Variants in SLC66A1 observed in about 807,000 individuals in gnomAD.
SLC66A1 encodes the protein lysosomal amino acid transporter 1 homolog.
Under a neutral mutation model 33.0 loss-of-function variants are expected in SLC66A1, and 23 were observed. The observed-to-expected ratio is 0.70, with a 90% CI of 0.50 to 0.99. The LOEUF is 0.99. Ranked by LOEUF, SLC66A1 falls within the 50% of genes least tolerant of loss-of-function variation. The pLI, the probability that SLC66A1 is intolerant of heterozygous loss-of-function variation, is 0.00. For missense variants in SLC66A1, 335 were observed against 383.6 expected, an observed-to-expected ratio of 0.87 and a Z score of 1.06; for synonymous variants, 164 against 175.5, an observed-to-expected ratio of 0.93 and a Z score of 0.52.
At chr1:19,325,439 C>T (rs2093858783) in intron 3 of SLC66A1, 56 bp from the exon 4 acceptor site, 14 of 1,255,970 alleles carry the variant, frequency 1.1e-5, no homozygotes, top group South Asian at 6.1e-5. Flanking sequence ...GCTGCCGGGG[C>T]GTGGTCTCAG....
At position 19,326,317 on chromosome 1, in the gene SLC66A1, C is replaced by G. The variant is rs749880889; in HGVS notation, c.455C>G (p.Ala152Gly). Residue 152 changes from alanine (A) to glycine (G), a missense_variant, in exon 5 of 8, where the codon GCT (alanine) becomes GGT (glycine). Physicochemically the swap from Ala to Gly is moderately conservative, Grantham distance 60 (BLOSUM62 0). Coordinates refer to ENST00000375153, the MANE Select transcript of SLC66A1 (RefSeq NM_001040125.2). Reference protein sequence around the residue: ...MACATPLLSAAGPVAAPREAF... With the variant: ...MACATPLLSAGGPVAAPREAF... Reference sequence around the variant, plus strand: ...TGCGCCACACCGCTGCTGAGTGCTGCTGGGCCCGTGGCTGCCCCTAGGGAA... The same window carrying G: ...TGCGCCACACCGCTGCTGAGTGCTGGTGGGCCCGTGGCTGCCCCTAGGGAA... 8.1e-6 allele frequency: 13 copies of G among 1,607,020 alleles called. No homozygotes were observed. In the Admixed American group the frequency reaches 1.2e-4, roughly 14 times the overall value.
At chr1:19,327,152 G>A in intron 6 of SLC66A1, 75 bp from the exon 7 acceptor site, 2 of 1,395,246 alleles carry the variant, frequency 1.4e-6, no homozygotes, top group South Asian at 1.3e-5. Flanking sequence ...GGGGCAGGTG[G>A]ACATGTGGAC....
chr1:19,327,523 C>A, intron 7 of SLC66A1, 111 bp downstream of exon 7: 2 of 1,253,274 alleles, frequency 1.6e-6, no homozygotes, highest in Non-Finnish European at 2.2e-6. Flanking sequence ...ATCCGTCCAT[C>A]CATCCATCCC....
At chr1:19,326,669 G>A (rs761677448) in intron 6 of SLC66A1, 46 bp downstream of exon 6, 1 of 1,589,206 alleles carries the variant, frequency 6.3e-7, no homozygotes, top group Admixed American at 1.7e-5. Flanking sequence ...GAGGAGAGCT[G>A]GCCTGGCCAC....
downstream of SLC66A1, among the ~76,000 whole-genome samples, chr1:19,333,591 G>A (rs2093897694): frequency 6.6e-6 from 1 of 152,154 alleles, no homozygotes; most frequent in Admixed American, 6.6e-5. The surrounding 1 kb of genome is among the most constrained non-coding windows in gnomAD (Gnocchi z 4.2). Flanking sequence ...GCTGAATGAC[G>A]GGACCCCAGA....
intron 1 of SLC66A1, among the ~76,000 whole-genome samples, chr1:19,315,498 C>T (rs1374556678): frequency 6.6e-6 from 1 of 152,224 alleles, no homozygotes; most frequent in East Asian, 1.9e-4. Context: ...GACTCACTTC[C>T]TTTCCCTCCC....
At position 19,327,265 on chromosome 1, in the gene SLC66A1, G is replaced by C. The variant is rs780521117; in HGVS notation, c.657G>C (p.Leu219=). The change falls in exon 7 of 8, where the codon CTG becomes CTC. Residue 219 remains leucine (L), a synonymous_variant. Transcript: ENST00000375153. ...RKSTQGISYS[L]FALVMLGNTL... ...CCACCCAGGGGATCTCCTACTCTCTGTTCGCGCTGGTGATGCTGGGGAACA... is the reference window on the plus strand; with the variant it reads ...CCACCCAGGGGATCTCCTACTCTCTCTTCGCGCTGGTGATGCTGGGGAACA... 3 of 1,613,964 alleles carry C rather than the reference G, an allele frequency of 1.9e-6. No homozygotes were observed. Among genetic ancestry groups the C allele is most frequent in the African/African-American group, 1.3e-5 (1 of 75,034 alleles).
In SLC66A1 at chr1:19,326,291, G is replaced by C; in HGVS notation, c.429G>C (p.Ala143=). 6.2e-7 allele frequency: 1 copy of C among 1,606,802 alleles called. No homozygotes were observed. Among genetic ancestry groups the C allele is most frequent in the Non-Finnish European group, 8.5e-7 (1 of 1,179,870 alleles). Residue 143 remains alanine (A), a synonymous_variant, in exon 5 of 8, where the codon GCG becomes GCC. Coordinates refer to ENST00000375153, the MANE Select transcript of SLC66A1 (RefSeq NM_001040125.2). The stretch of plus-strand genomic sequence containing the variant: ...TGCTGTTGTTCCTCATGGGGATGGC[G>C]TGCGCCACACCGCTGCTGAGTGCTG... ...NSVLLFLMGM[A]CATPLLSAAG...
rs34520375 is a variant in SLC66A1 at position 19,320,412 on chromosome 1, C to CTTT, written c.164+2592_164+2594dup. On this transcript the variant is annotated intron_variant, in intron 2 of 7. Coordinates refer to ENST00000375153, the MANE Select transcript of SLC66A1 (RefSeq NM_001040125.2). ...ATCCTCCTCAACACTGGTGGCCTGT[C>CTTT]TTTTTTTTTTTTTTTTTTTTTTTGA... Among the ~76,000 whole-genome samples, 139 of 98,626 alleles carry CTTT rather than the reference C, an allele frequency of 1.4e-3. 5 individuals carry two copies. Among genetic ancestry groups the CTTT allele is most frequent in the African/African-American group, 4.2e-3 (100 of 24,060 alleles). The allele number at this position is 98,626 out of a possible 152,430, so 64.7% of individuals were successfully genotyped here. A position where few individuals can be genotyped will look rare whatever the true frequency, so the allele number is the denominator to read the frequency against.
At chr1:19,331,214 G>T (rs1202869085), downstream of SLC66A1, among the ~76,000 whole-genome samples, 6 of 152,160 alleles carry the variant, frequency 3.9e-5, no homozygotes, top group Non-Finnish European at 8.8e-5. Context: ...GTTTCACCAT[G>T]TTGGCCAGGC....
At chr1:19,320,046 G>A (rs1013808289) in intron 2 of SLC66A1, among the ~76,000 whole-genome samples, 6 of 151,172 alleles carry the variant, frequency 4.0e-5, no homozygotes, top group South Asian at 2.1e-4. Flanking sequence ...ACAGGCATGC[G>A]CCACCATGCC....
intron 3 of SLC66A1, 80 bp from the exon 4 acceptor site, chr1:19,325,415 G>T (rs753611108): frequency 1.0e-6 from 1 of 980,830 alleles, no homozygotes; most frequent in South Asian, 1.4e-5. Flanking sequence ...CACCCAGCTG[G>T]GATATGACAG....
chr1:19,317,928 G>A (rs2093814535), intron 2 of SLC66A1, 87 bp downstream of exon 2: 2 of 1,536,976 alleles, frequency 1.3e-6, no homozygotes, highest in East Asian at 2.3e-5. Flanking sequence ...GGGTTGTCTG[G>A]TGGGCCACGG....
At chr1:19,331,105 G>A (rs571475218), downstream of SLC66A1, among the ~76,000 whole-genome samples, 19 of 152,204 alleles carry the variant, frequency 1.2e-4, no homozygotes, top group South Asian at 1.0e-3. Flanking sequence ...TCCGCCTCCC[G>A]GGTTCGAGCG....
intron 2 of SLC66A1, 73 bp downstream of exon 2, chr1:19,317,914 C>T (rs2093814459): frequency 6.4e-7 from 1 of 1,555,008 alleles, no homozygotes. Flanking sequence ...TACTGCTCAG[C>T]GAGGGGTTGT....
chr1:19,333,002 T>G (rs894398001), downstream of SLC66A1, among the ~76,000 whole-genome samples: 1 of 152,174 alleles, frequency 6.6e-6, no homozygotes, highest in Non-Finnish European at 1.5e-5. This position sits in a 1 kb window ranked among gnomAD's most constrained non-coding sequence, Gnocchi z 4.2. Flanking sequence ...GGAAGTGACA[T>G]GCGCAGTGCC....
chr1:19,312,339 T>C lies in SLC66A1; in HGVS notation c.-629T>C. 3.7e-6 allele frequency: 1 copy of C among 273,284 alleles called. No individual in the cohort carries two copies. The highest frequency in any genetic ancestry group is 6.6e-6 in the Non-Finnish European group (1 of 151,164). 16.9% of individuals were successfully genotyped at this position (273,284 alleles called of 1,614,324 possible). On this transcript the variant is annotated 5_prime_UTR_variant, in exon 1 of 8. Transcript: ENST00000375153. The stretch of plus-strand genomic sequence containing the variant: ...GGGCCTTGACCCAGAAGCTGGGCCC[T>C]GGCGGCGGATCTGGACGTGGTGAGC...
At chr1:19,326,201 C>T in intron 4 of SLC66A1, 44 bp from the exon 5 acceptor site, 1 of 1,563,900 alleles carries the variant, frequency 6.4e-7, no homozygotes, top group Non-Finnish European at 8.6e-7. Context: ...ACAACCGCTG[C>T]CACTCAGCCA....
intron 2 of SLC66A1, among the ~76,000 whole-genome samples, chr1:19,321,348 AT>A (rs34424321): frequency 1.4e-4 from 19 of 138,716 alleles, no homozygotes; most frequent in Admixed American, 2.1e-4. Flanking sequence ...GCTAATTGAA[AT>A]TTTTTTTTTT....
Sources: allele counts gnomAD v4.1 joint callset (sites outside exome capture counted in the v4.1 genomes callset), GRCh38; gene constraint gnomAD v4.1.1; non-coding constraint Gnocchi (gnomAD v3.1); transcripts MANE v1.5; gene names NCBI Gene and HGNC (gene_info 2026-07-23, HGNC 2026-07-21).